Variants in MICAL2 observed in about 807,000 individuals in gnomAD.
MICAL2 encodes [F-actin]-monooxygenase MICAL2.
A neutral mutation model predicts 127.3 loss-of-function variants in MICAL2; 77 were observed. That is an observed-to-expected ratio of 0.60 (90% CI 0.50 to 0.73). The LOEUF (loss-of-function observed/expected upper bound fraction) is 0.73, where lower values mean the gene tolerates loss of function less well. MICAL2 is among the 30% of genes least tolerant of loss of function. MICAL2 has a pLI of 0.00. For synonymous variants in MICAL2, 570 were observed against 551.1 expected (o/e 1.03, Z -0.48); for missense variants, 1,351 against 1,434.4 (o/e 0.94, Z 0.94).
At chr11:12,198,100 C>A (rs1860181700) in intron 3 of MICAL2, among the ~76,000 whole-genome samples, 1 of 151,954 alleles carries the variant, frequency 6.6e-6, no homozygotes, top group Non-Finnish European at 1.5e-5. Flanking sequence ...ACTGGCCAAC[C>A]CCCTCTCAGA....
At chr11:12,316,021 A>G (rs1207320111) in intron 29 of MICAL2, among the ~76,000 whole-genome samples, 1 of 152,054 alleles carries the variant, frequency 6.6e-6, no homozygotes, top group Non-Finnish European at 1.5e-5. Context: ...TTTACCTTTT[A>G]TTATGGAATG....
intron 21 of MICAL2, among the ~76,000 whole-genome samples, chr11:12,246,436 G>A (rs1225927650): frequency 6.6e-6 from 1 of 152,238 alleles, no homozygotes; most frequent in African/African-American, 2.4e-5. Context: ...GCAAGAAGAA[G>A]AAGGCACAGC....
At chr11:12,360,605 T>C (rs1939192612), downstream of MICAL2, among the ~76,000 whole-genome samples, 1 of 152,240 alleles carries the variant, frequency 6.6e-6, no homozygotes, top group African/African-American at 2.4e-5. Context: ...AAGCGTGTCA[T>C]GTTTGAGTTG....
At chr11:12,258,103 G>C (rs1862574293) in intron 24 of MICAL2, among the ~76,000 whole-genome samples, 1 of 152,188 alleles carries the variant, frequency 6.6e-6, no homozygotes, top group African/African-American at 2.4e-5. Flanking sequence ...ATGCAGAGGA[G>C]CAGCCAGATG....
rs1270303162 is a variant in MICAL2, at chr11:12,131,186, G to A, written c.-148-7204G>A. Among the ~76,000 whole-genome samples, 6 of 86,938 alleles carry A rather than the reference G, an allele frequency of 6.9e-5. 3 individuals are homozygous for A. Among genetic ancestry groups the A allele is most frequent in the South Asian group, 1.3e-3 (2 of 1,592 alleles). The allele number at this position is 86,938 out of a possible 152,430, so 57.0% of individuals were successfully genotyped here. ...CGGGCGCCTGTAGTCCCAGCTACTC[G>A]GGAGGCTGAGGCAGGAGAATGGCGT... On this transcript the variant is annotated intron_variant, in intron 1 of 27. Coordinates refer to ENST00000683283, the MANE Select transcript of MICAL2 (RefSeq NM_001282663.2).
chr11:12,304,320 A>G (rs998505241), intron 29 of MICAL2, among the ~76,000 whole-genome samples: 7 of 152,136 alleles, frequency 4.6e-5, no homozygotes, highest in African/African-American at 1.4e-4. Flanking sequence ...CAATCAATTA[A>G]GCAGCATTTA....
intron 32 of MICAL2, among the ~76,000 whole-genome samples, chr11:12,333,664 G>T (rs1173464593): frequency 2.0e-5 from 3 of 152,010 alleles, no homozygotes; most frequent in Non-Finnish European, 4.4e-5. Context: ...ACATAATATG[G>T]ACCTAAATAA....
chr11:12,293,975 G>A (rs369983098), downstream of MICAL2: 5 of 1,614,048 alleles, frequency 3.1e-6, no homozygotes, highest in African/African-American at 4.0e-5. Context: ...GAAGAAGTTA[G>A]TCCTCACTCA....
intron 33 of MICAL2, among the ~76,000 whole-genome samples, chr11:12,352,197 T>G (rs1939061251): frequency 6.6e-6 from 1 of 152,354 alleles, no homozygotes; most frequent in South Asian, 2.1e-4. Context: ...GTGTCTGCAT[T>G]GAGGCCAGGT....
At chr11:12,268,556 A>G (rs1863633451), downstream of MICAL2, among the ~76,000 whole-genome samples, 1 of 152,196 alleles carries the variant, frequency 6.6e-6, no homozygotes, top group African/African-American at 2.4e-5. Context: ...TGCGGCCCCC[A>G]TGCCAAGGCA....
chr11:12,252,569 G>A (rs1301668364), intron 22 of MICAL2: 1 of 152,274 alleles, frequency 6.6e-6, no homozygotes, highest in Non-Finnish European at 1.5e-5. Context: ...AGGAGCTCCT[G>A]GGCTTTGTTT....
rs145920628 is a variant in MICAL2, at chr11:12,259,004, G to A, written c.3231+448G>A. Among the ~76,000 whole-genome samples the A allele has an allele frequency of 5.1e-4, 77 of 152,368 alleles. No individual in the cohort carries two copies. The Middle Eastern group carries it at 0.02, about 40-fold the overall frequency. On this transcript the variant is annotated intron_variant, in intron 25 of 27. Coordinates refer to ENST00000683283, the MANE Select transcript of MICAL2 (RefSeq NM_001282663.2). ...AAGTGACCAGCCCACTGAATTCATA[G>A]ATGGTTTGTGGAAGCATCTCTTCTG... is the stretch of plus-strand genomic sequence containing the variant.
At chr11:12,138,631 T>C (rs114903552) in intron 2 of MICAL2, among the ~76,000 whole-genome samples, 171 bp downstream of exon 2, 1,661 of 152,294 alleles carry the variant, frequency 0.011, 34 homozygotes, top group African/African-American at 0.038. Flanking sequence ...CCTAGCGCTG[T>C]GTTCTTGCCT....
downstream of MICAL2, among the ~76,000 whole-genome samples, chr11:12,361,117 C>T (rs1368416706): frequency 6.6e-6 from 1 of 152,202 alleles, no homozygotes; most frequent in Non-Finnish European, 1.5e-5. Context: ...CTATATAGGA[C>T]TCTGAATGGG....
intron 32 of MICAL2, chr11:12,327,336 A>G: frequency 7.7e-7 from 1 of 1,297,594 alleles, no homozygotes; most frequent in Non-Finnish European, 1.1e-6. Context: ...CCATCTGAGG[A>G]AAACAGACCT....
At chr11:12,298,701 A>G (rs1017075271) in intron 29 of MICAL2, among the ~76,000 whole-genome samples, 1 of 152,164 alleles carries the variant, frequency 6.6e-6, no homozygotes, top group African/African-American at 2.4e-5. Context: ...TTTTAATCAC[A>G]GATGGATGTT....
chr11:12,227,362 C>T lies in MICAL2; in HGVS notation c.1995+231C>T, dbSNP rs1857613248. On this transcript the variant is annotated intron_variant, in intron 15 of 27. Transcript: ENST00000683283. ...AGTGGTTATAGGAAGGACATGGTAG[C>T]GAGCTGATAGAACATATTGGTGAAT... Among the ~76,000 whole-genome samples the T allele has an allele frequency of 3.9e-5, 6 of 152,160 alleles. No homozygotes were observed. In the South Asian group the frequency reaches 1.0e-3, roughly 26 times the overall value.
Position 12,244,027 on chromosome 11 carries a change from C to T in MICAL2, c.2699C>T (p.Pro900Leu), listed in dbSNP as rs773614885. 20 of 1,613,768 alleles carry T rather than the reference C, an allele frequency of 1.2e-5. No homozygotes were observed. Among genetic ancestry groups the T allele is most frequent in the Non-Finnish European group, 1.7e-5 (20 of 1,179,638 alleles). ...LSKGLSHTHP[P>L]SPPSRLPSPD... is the part of the protein sequence containing the mutation. ...AAAGGCCTGTCTCATACTCATCCTC[C>T]ATCTCCTCCCTCTCGCCTTCCGTCT... Residue 900 changes from proline (P) to leucine (L), a missense_variant, in exon 21 of 28, where the codon CCA (proline) becomes CTA (leucine). Pro to Leu is a moderately conservative substitution (Grantham distance 98). Around this residue, in one of 2 missense-constraint regions of MICAL2, gnomAD observed 752 missense variants for 719.4 expected, o/e 1.05. Transcript: ENST00000683283.
At chr11:12,282,146 G>T (rs1863779258) in intron 2 of MICAL2, among the ~76,000 whole-genome samples, 1 of 152,166 alleles carries the variant, frequency 6.6e-6, no homozygotes, top group Admixed American at 6.5e-5. Context: ...TTAAATCCTG[G>T]AATTGTTGAA....
Sources: allele counts gnomAD v4.1 joint callset (sites outside exome capture counted in the v4.1 genomes callset), GRCh38; gene constraint gnomAD v4.1.1; regional missense constraint gnomAD v4.1.1; transcripts MANE v1.5; gene names NCBI Gene and HGNC (gene_info 2026-07-23, HGNC 2026-07-21).